GNAS: variants seen among roughly 807,000 people sequenced by gnomAD.
GNAS encodes the protein protein ALEX.
In GNAS, 8 loss-of-function variants were observed where a neutral mutation model predicts 54.5. The observed-to-expected ratio is 0.15, with a 90% CI of 0.09 to 0.26. GNAS has a LOEUF of 0.26. Ranked by LOEUF, GNAS falls within the 10% of genes least tolerant of loss-of-function variation. The pLI is 1.00. For missense variants in GNAS, 170 were observed against 529.8 expected (o/e 0.32, Z 6.67); for synonymous variants, 204 against 191.4 (o/e 1.07, Z -0.54).
chr20:58,885,894 T>C (rs1238140656), intron 1 of GNAS, among the ~76,000 whole-genome samples: 1 of 152,256 alleles, frequency 6.6e-6, no homozygotes, highest in Non-Finnish European at 1.5e-5. Context: ...AGTTTCTGTT[T>C]CAGTGGAAAC....
intron 1 of GNAS, chr20:58,842,038 G>A: frequency 1.7e-6 from 1 of 605,136 alleles, no homozygotes; most frequent in Non-Finnish European, 2.4e-6. Flanking sequence ...GCAGGGGCCG[G>A]CGGCTCCGGC....
chr20:58,892,173 C>T (rs1248979520), intron 1 of GNAS: 3 of 962,912 alleles, frequency 3.1e-6, no homozygotes, highest in South Asian at 5.3e-5. Flanking sequence ...CTCTTTCTCT[C>T]TTTTTCCGCG....
In GNAS at chr20:58,853,437, C is replaced by T. The variant is rs1409144095; in HGVS notation, c.43+12551C>T. The T allele has an allele frequency of 1.9e-6, 3 of 1,607,528 alleles. No homozygotes were observed. The highest frequency in any genetic ancestry group is 3.4e-5 in the Admixed American group (2 of 59,374). On this transcript the variant is annotated intron_variant, in intron 1 of 12. Coordinates refer to the GNAS transcript ENST00000306090. This position sits in a 1 kb window ranked among gnomAD's most constrained non-coding sequence, Gnocchi z 4.4. ...GGAGACCGAACCGCCTCACAACGAG[C>T]CCATCCCCGTCGAGAATGATGGCGA...
upstream of GNAS, among the ~76,000 whole-genome samples, chr20:58,887,175 G>C (rs1481638372): frequency 6.6e-6 from 1 of 152,188 alleles, no homozygotes; most frequent in Non-Finnish European, 1.5e-5. Flanking sequence ...TAACTTTGTA[G>C]CTCCTGGCAT....
chr20:58,866,392 C>T (rs2087067412), intron 1 of GNAS, among the ~76,000 whole-genome samples: 1 of 152,234 alleles, frequency 6.6e-6, no homozygotes, highest in Non-Finnish European at 1.5e-5. Context: ...AATCCAAGGA[C>T]ATTTCCTGGT....
chr20:58,908,426 G>A (rs969898342), intron 6 of GNAS, among the ~76,000 whole-genome samples: 1 of 152,016 alleles, frequency 6.6e-6, no homozygotes, highest in Non-Finnish European at 1.5e-5. Flanking sequence ...TGGCTAGGGC[G>A]AGAAGGGCCC....
chr20:58,905,063 G>A lies in GNAS; in HGVS notation c.433-320G>A, dbSNP rs570743224. On this transcript the variant is annotated intron_variant, in intron 5 of 12. Coordinates refer to ENST00000371085, the MANE Select transcript of GNAS (RefSeq NM_000516.7). Reference sequence around the variant, plus strand: ...ATTGGCATATTCTAACACATTTAGTGTATATTCTTCCTAAACAATTCTGTG... The same window carrying A: ...ATTGGCATATTCTAACACATTTAGTATATATTCTTCCTAAACAATTCTGTG... Among the ~76,000 whole-genome samples the A allele has an allele frequency of 2.6e-5, 4 of 152,230 alleles. No individual in the cohort carries two copies. The East Asian group carries it at 7.7e-4, about 29-fold the overall frequency.
chr20:58,882,068 G>GTTTGT (rs935943882), intron 1 of GNAS, among the ~76,000 whole-genome samples: 57 of 152,214 alleles, frequency 3.7e-4, no homozygotes, highest in Admixed American at 3.1e-3. Flanking sequence ...GTTTGTTTGT[G>GTTTGT]TTTGTTTTGT....
chr20:58,894,333 A>T (rs2089832175), intron 1 of GNAS, among the ~76,000 whole-genome samples: 2 of 152,220 alleles, frequency 1.3e-5, no homozygotes, highest in African/African-American at 4.8e-5. Context: ...AGTGCCATTT[A>T]TATTTTTAAT....
chr20:58,877,652 AGCCGT>A (rs2087915329), intron 1 of GNAS, among the ~76,000 whole-genome samples: 1 of 152,346 alleles, frequency 6.6e-6, no homozygotes, highest in Non-Finnish European at 1.5e-5. Context: ...GGCAGAAGCC[AGCCGT>A]GTTTTAGGAA....
Position 58,895,628 on chromosome 20 carries a change from TA to T in GNAS, c.160del (p.Ser54AlafsTer4). ...ATTTTCTAGGTGCTGGAGAATCTGGTAAAAGCACCATTGTGAAGCAGATGAG... is the reference window on the plus strand; with the variant it reads ...ATTTTCTAGGTGCTGGAGAATCTGGTAAAGCACCATTGTGAAGCAGATGAG... ...LLLLGAGESG[K>X]STIVKQMRIL... On this transcript the variant is annotated frameshift_variant, in exon 2 of 13. Transcript: ENST00000371085. LOFTEE classifies it high-confidence loss of function. The T allele has an allele frequency of 1.2e-6, 2 of 1,603,126 alleles. No individual in the cohort carries two copies. Among genetic ancestry groups the T allele is most frequent in the Non-Finnish European group, 1.7e-6 (2 of 1,169,948 alleles).
chr20:58,859,947 T>G (rs1416962079), intron 1 of GNAS, among the ~76,000 whole-genome samples: 1 of 151,618 alleles, frequency 6.6e-6, no homozygotes, highest in African/African-American at 2.4e-5. Context: ...ACTCAAAGAC[T>G]GCAAGGTAGG....
intron 1 of GNAS, chr20:58,892,303 A>T (rs896391815): frequency 5.2e-6 from 2 of 385,842 alleles, no homozygotes; most frequent in South Asian, 1.1e-4. Flanking sequence ...TGGCGGGTAG[A>T]GGGAGGGGGA....
At chr20:58,892,200 AG>A in intron 1 of GNAS, 2 of 972,744 alleles carry the variant, frequency 2.1e-6, no homozygotes, top group Non-Finnish European at 2.4e-6. Flanking sequence ...ACACGACGCC[AG>A]GGGTTTGGGT....
At chr20:58,840,255 C>A, upstream of GNAS, 1 of 1,611,598 alleles carries the variant, frequency 6.2e-7, no homozygotes, top group Non-Finnish European at 8.5e-7. This position sits in a 1 kb window ranked among gnomAD's most constrained non-coding sequence, Gnocchi z 6.0. Flanking sequence ...ACCTCCAACG[C>A]CCGTGCCCAG....
Position 58,857,565 on chromosome 20 carries a change from G to A in GNAS, c.43+16679G>A, listed in dbSNP as rs748823417. ...CAAATTGGTGATGTGCCTTACATGC[G>A]GGGCCTCAGTTGCCTCCTTTGTGAA... On this transcript the variant is annotated intron_variant, in intron 1 of 12. Transcript: ENST00000306090. The surrounding 1 kb of genome is among the most constrained non-coding windows in gnomAD (Gnocchi z 4.1). Among the ~76,000 whole-genome samples the A allele has an allele frequency of 1.3e-5, 2 of 152,088 alleles. No homozygotes were observed. Among genetic ancestry groups the A allele is most frequent in the African/African-American group, 4.8e-5 (2 of 41,388 alleles).
intron 1 of GNAS, chr20:58,892,184 A>T: frequency 1.0e-6 from 1 of 957,766 alleles, no homozygotes; most frequent in African/African-American, 1.9e-5. Flanking sequence ...TTTTTCCGCG[A>T]GGCCTACACG....
intron 1 of GNAS, among the ~76,000 whole-genome samples, chr20:58,848,117 G>A (rs1224510925): frequency 6.6e-6 from 1 of 152,244 alleles, no homozygotes; most frequent in African/African-American, 2.4e-5. Context: ...GCTTTCCTCA[G>A]ACATGCAGAG....
chr20:58,891,303 TCGCCGC>T (rs1366708978), upstream of GNAS: 1 of 135,058 alleles, frequency 7.4e-6, no homozygotes, highest in Non-Finnish European at 1.6e-5. Context: ...TCCACCCCCC[TCGCCGC>T]CGCCGCCTCC....
Sources: allele counts gnomAD v4.1 joint callset (sites outside exome capture counted in the v4.1 genomes callset), GRCh38; gene constraint gnomAD v4.1.1; non-coding constraint Gnocchi (gnomAD v3.1); transcripts MANE v1.5; gene names NCBI Gene and HGNC (gene_info 2026-07-23, HGNC 2026-07-21).